The following PPARGC1A variants were observed in gnomAD, a reference collection of about 807,000 sequenced individuals.
PPARGC1A encodes peroxisome proliferator-activated receptor gamma coactivator 1-alpha.
A neutral mutation model predicts 88.7 loss-of-function variants in PPARGC1A; 25 were observed. The ratio of observed to expected loss-of-function variants is 0.28; its 90% CI spans 0.21 to 0.39. The LOEUF is 0.39. PPARGC1A is among the 10% of genes least tolerant of loss of function. The pLI is 1.00. For missense variants in PPARGC1A, 880 were observed against 968.7 expected (o/e 0.91, Z 1.22); for synonymous variants, 363 against 355.6 (o/e 1.02, Z -0.24).
chr4:23,910,904 ACCTGGGCAG>A, the PPARGC1A span, among the ~76,000 whole-genome samples: 1 of 151,996 alleles, frequency 6.6e-6, no homozygotes, highest in African/African-American at 2.4e-5. Context: ...TGACACTTGA[ACCTGGGCAG>A]CCTGGTTCCA....
At chr4:24,367,473 G>C in the PPARGC1A span, among the ~76,000 whole-genome samples, 1 of 152,158 alleles carries the variant, frequency 6.6e-6, no homozygotes, top group African/African-American at 2.4e-5. Flanking sequence ...AATGGGCTTT[G>C]CAATGAGCTC....
chr4:23,881,512 A>T lies in PPARGC1A; in HGVS notation c.234+3240T>A, dbSNP rs547115105. Among the ~76,000 whole-genome samples, 5 of 152,326 alleles carry T rather than the reference A, an allele frequency of 3.3e-5. No individual in the cohort carries two copies. The East Asian group carries it at 9.7e-4, about 29-fold the overall frequency. On this transcript the variant is annotated intron_variant, in intron 2 of 12. Transcript: ENST00000264867. The stretch of plus-strand genomic sequence containing the variant: ...ATAAAAATTAAACTTAGATTCAAAC[A>T]TATGGAAGAAACAAAAAGAAGAGAT...
chr4:24,308,572 G>A, the PPARGC1A span, among the ~76,000 whole-genome samples: 1 of 152,070 alleles, frequency 6.6e-6, no homozygotes, highest in Non-Finnish European at 1.5e-5. Flanking sequence ...TGAAGCCAGA[G>A]GCTGCTCAAG....
At chr4:23,893,528 C>A (rs1718152701), upstream of PPARGC1A, among the ~76,000 whole-genome samples, 1 of 152,264 alleles carries the variant, frequency 6.6e-6, no homozygotes, top group Non-Finnish European at 1.5e-5. Context: ...CAGACTGCTG[C>A]TTCTTTCAGA....
the PPARGC1A span, among the ~76,000 whole-genome samples, chr4:24,223,808 A>C: frequency 6.6e-6 from 1 of 152,258 alleles, no homozygotes; most frequent in Non-Finnish European, 1.5e-5. Context: ...GGGCTAAAGT[A>C]GAAAGGACAA....
chr4:24,346,162 T>C, the PPARGC1A span, among the ~76,000 whole-genome samples: 2 of 152,204 alleles, frequency 1.3e-5, no homozygotes, highest in African/African-American at 4.8e-5. Context: ...CTTTTTGATA[T>C]GTTGTCAGAT....
the PPARGC1A span, among the ~76,000 whole-genome samples, chr4:24,292,004 A>T: frequency 2.0e-5 from 3 of 152,246 alleles, no homozygotes; most frequent in African/African-American, 7.2e-5. Context: ...AAAACCTGCG[A>T]GAGTGACGTG....
At chr4:24,212,688 C>G in the PPARGC1A span, among the ~76,000 whole-genome samples, 1 of 152,178 alleles carries the variant, frequency 6.6e-6, no homozygotes, top group Non-Finnish European at 1.5e-5. Flanking sequence ...AACTAAGCCC[C>G]CTAATGTGTA....
chr4:23,989,563 A>G, the PPARGC1A span, among the ~76,000 whole-genome samples: 2 of 152,066 alleles, frequency 1.3e-5, no homozygotes, highest in African/African-American at 4.8e-5. Context: ...AAAGTGTAGA[A>G]GAATGGCATA....
At chr4:24,372,181 A>G in the PPARGC1A span, among the ~76,000 whole-genome samples, 1 of 152,154 alleles carries the variant, frequency 6.6e-6, no homozygotes, top group Non-Finnish European at 1.5e-5. Context: ...TCCCAGTCTT[A>G]CCCTAACCAA....
the PPARGC1A span, among the ~76,000 whole-genome samples, chr4:24,224,432 T>C: frequency 6.6e-6 from 1 of 152,200 alleles, no homozygotes; most frequent in Non-Finnish European, 1.5e-5. Context: ...GGACACATCA[T>C]ACAGGTTCTT....
At chr4:24,363,595 G>C in the PPARGC1A span, among the ~76,000 whole-genome samples, 3 of 152,086 alleles carry the variant, frequency 2.0e-5, no homozygotes, top group Non-Finnish European at 4.4e-5. Context: ...AGTTAAGCTT[G>C]GTATAAAGCC....
At chr4:24,031,673 T>C in the PPARGC1A span, among the ~76,000 whole-genome samples, 1 of 152,142 alleles carries the variant, frequency 6.6e-6, no homozygotes, top group Non-Finnish European at 1.5e-5. Flanking sequence ...CTGGACTCCA[T>C]CCACTAGATA....
the PPARGC1A span, among the ~76,000 whole-genome samples, chr4:24,420,048 C>T: frequency 6.6e-6 from 1 of 152,224 alleles, no homozygotes; most frequent in East Asian, 1.9e-4. Context: ...ATAAACAGTT[C>T]TGTCAGTTGC....
chr4:24,041,443 C>G, the PPARGC1A span, among the ~76,000 whole-genome samples: 61 of 152,096 alleles, frequency 4.0e-4, no homozygotes, highest in East Asian at 0.011. Flanking sequence ...GTCCTGGCCT[C>G]CCACTGTTGC....
At chr4:23,813,271 T>C (rs1721286481) in intron 8 of PPARGC1A, 146 bp from the exon 9 acceptor site, 3 of 710,610 alleles carry the variant, frequency 4.2e-6, no homozygotes, top group Non-Finnish European at 4.9e-6. Flanking sequence ...CAGTGACAGT[T>C]TGTGATCATC....
At chr4:24,206,477 G>A in the PPARGC1A span, among the ~76,000 whole-genome samples, 1 of 152,162 alleles carries the variant, frequency 6.6e-6, no homozygotes, top group Admixed American at 6.5e-5. Flanking sequence ...GCGCAGTATT[G>A]TCTCAACTGT....
chr4:23,812,839 C>T lies in PPARGC1A; in HGVS notation c.1927G>A (p.Glu643Lys), dbSNP rs749512511. The change falls in exon 10 of 13, where the codon GAG (glutamate) becomes AAG (lysine). Residue 643 changes from glutamate (E) to lysine (K), a missense_variant. Coordinates refer to ENST00000264867, the MANE Select transcript of PPARGC1A (RefSeq NM_013261.5). ...CGATATTCTTCCCTCTTCAGCCTCT[C>T]GTGCTGATATTCCTCGTAGCTGTCA... ...RYDSYEEYQH[E>K]RLKREEYRRE... 7.4e-6 allele frequency: 12 copies of T among 1,613,886 alleles called. No homozygotes were observed. Among genetic ancestry groups the T allele is most frequent in the African/African-American group, 2.7e-5 (2 of 74,906 alleles).
the PPARGC1A span, among the ~76,000 whole-genome samples, chr4:24,007,647 A>C: frequency 6.6e-6 from 1 of 152,186 alleles, no homozygotes; most frequent in Non-Finnish European, 1.5e-5. Context: ...AGAAGGCCAC[A>C]TCCCTGGAGC....
Sources: gnomAD v4.1 joint callset for allele counts (sites outside exome capture counted in the v4.1 genomes callset) on GRCh38, gnomAD v4.1.1 for gene constraint, MANE v1.5 for transcripts, NCBI Gene and HGNC (gene_info 2026-07-23, HGNC 2026-07-21) for gene names.